Variants in CORO2B observed in about 807,000 individuals in gnomAD.
CORO2B encodes coronin-2B.
CORO2B carries 26 observed loss-of-function variants against 58.8 expected under a neutral mutation model. That is an observed-to-expected ratio of 0.44 (90% CI 0.32 to 0.61). CORO2B has a LOEUF of 0.61. Ranked by LOEUF, CORO2B falls within the 20% of genes least tolerant of loss-of-function variation. The probability of loss-of-function intolerance (pLI) is 0.04; values close to 1 mark genes in which losing one functional copy is unlikely to be tolerated. For synonymous variants in CORO2B, 242 were observed against 253.8 expected (o/e 0.95, Z 0.44); for missense variants, 460 against 645.1 (o/e 0.71, Z 3.11).
intron 2 of CORO2B, among the ~76,000 whole-genome samples, chr15:68,661,722 C>T (rs1291265382): frequency 6.6e-6 from 1 of 152,094 alleles, no homozygotes; most frequent in Non-Finnish European, 1.5e-5. Flanking sequence ...AAAACCTGTT[C>T]AGGGCCTGGC....
In CORO2B at chr15:68,719,498, T is replaced by C. The variant is rs144539309; in HGVS notation, c.1257T>C (p.Val419=). ...CTCCCATCAAAGAAAAGAAGAGTGT[T>C]GTGGTCAACGGAATAGATTTATTAG... ...FKAPIKEKKS[V]VVNGIDLLEN... The change falls in exon 11 of 12, where the codon GTT becomes GTC. Residue 419 remains valine (V), a synonymous_variant. Coordinates refer to ENST00000261861, the MANE Select transcript of CORO2B (RefSeq NM_006091.5). 1.8e-4 allele frequency: 283 copies of C among 1,614,050 alleles called. No individual in the cohort carries two copies. The highest frequency in any genetic ancestry group is 2.3e-4 in the Non-Finnish European group (272 of 1,180,012).
intron 2 of CORO2B, among the ~76,000 whole-genome samples, chr15:68,685,180 C>T (rs1356576337): frequency 2.6e-5 from 4 of 152,214 alleles, no homozygotes; most frequent in Non-Finnish European, 4.4e-5. Flanking sequence ...GTGGTTTCTA[C>T]AAATAAGCCT....
chr15:68,725,339 AG>A (rs1351928339), intron 11 of CORO2B, among the ~76,000 whole-genome samples: 1 of 152,204 alleles, frequency 6.6e-6, no homozygotes, highest in Non-Finnish European at 1.5e-5. Flanking sequence ...ACCGCACTAC[AG>A]CCTGGGCGAC....
At chr15:68,569,662 C>T in the CORO2B span, among the ~76,000 whole-genome samples, 1 of 152,282 alleles carries the variant, frequency 6.6e-6, no homozygotes, top group South Asian at 2.1e-4. Context: ...CCAGGGAGAA[C>T]GATTGCTGGA....
At chr15:68,531,500 AAAGG>A in the CORO2B span, among the ~76,000 whole-genome samples, 1,367 of 113,812 alleles carry the variant, frequency 0.012, 17 homozygotes, top group Middle Eastern at 0.044. Flanking sequence ...GTATCTCAAA[AAAGG>A]AAGGAAGGAA....
chr15:68,725,185 A>C (rs1206491013), intron 11 of CORO2B, among the ~76,000 whole-genome samples: 1 of 152,122 alleles, frequency 6.6e-6, no homozygotes, highest in Non-Finnish European at 1.5e-5. Flanking sequence ...CCTGGCCAAC[A>C]TGGTGAAACC....
At chr15:68,544,699 C>T in the CORO2B span, among the ~76,000 whole-genome samples, 1 of 152,118 alleles carries the variant, frequency 6.6e-6, no homozygotes, top group Non-Finnish European at 1.5e-5. Context: ...AGGTGGAAGC[C>T]CATGTCATTG....
the CORO2B span, among the ~76,000 whole-genome samples, chr15:68,526,851 T>TC: frequency 6.6e-6 from 1 of 152,188 alleles, no homozygotes; most frequent in Non-Finnish European, 1.5e-5. Flanking sequence ...AGAATCATGG[T>TC]CCCCCAAAAT....
At chr15:68,559,838 C>T in the CORO2B span, among the ~76,000 whole-genome samples, 3 of 152,240 alleles carry the variant, frequency 2.0e-5, no homozygotes, top group Non-Finnish European at 4.4e-5. The surrounding 1 kb of genome is among the most constrained non-coding windows in gnomAD (Gnocchi z 4.3). Flanking sequence ...GCAGGTCTCC[C>T]GCAAACGCGC....
chr15:68,534,507 C>T, the CORO2B span, among the ~76,000 whole-genome samples: 1 of 152,266 alleles, frequency 6.6e-6, no homozygotes, highest in Non-Finnish European at 1.5e-5. Context: ...TCAACTTTCA[C>T]TTTAGGAATT....
intron 3 of CORO2B, among the ~76,000 whole-genome samples, chr15:68,707,826 G>A (rs1892818097): frequency 6.6e-6 from 1 of 152,100 alleles, no homozygotes; most frequent in Non-Finnish European, 1.5e-5. Flanking sequence ...TGTTCCCCCT[G>A]CACCCTCTCA....
At chr15:68,582,634 G>T (rs1312339731) in intron 1 of CORO2B, among the ~76,000 whole-genome samples, 1 of 152,192 alleles carries the variant, frequency 6.6e-6, no homozygotes, top group Non-Finnish European at 1.5e-5. Context: ...CAGAGGACAA[G>T]GTACATTAAT....
At chr15:68,589,688 G>A (rs1204741508) in intron 1 of CORO2B, among the ~76,000 whole-genome samples, 1 of 152,232 alleles carries the variant, frequency 6.6e-6, no homozygotes, top group Non-Finnish European at 1.5e-5. Flanking sequence ...CCCGATGTTG[G>A]CAGGCCAAGG....
In CORO2B at chr15:68,714,640, C is replaced by G; in HGVS notation, c.847C>G (p.His283Asp). 7 of 1,614,068 alleles carry G rather than the reference C, an allele frequency of 4.3e-6. No homozygotes were observed. The highest frequency in any genetic ancestry group is 5.9e-6 in the Non-Finnish European group (7 of 1,179,972). The change falls in exon 7 of 12, where the codon CAC becomes GAC. Residue 283 changes from histidine to aspartate, a missense_variant. By Grantham distance (81) the His-to-Asp change is moderately conservative (BLOSUM62 -1). Around this residue, in one of 2 missense-constraint regions of CORO2B, gnomAD observed 352 missense variants for 543.0 expected, o/e 0.65. Coordinates refer to ENST00000261861, the MANE Select transcript of CORO2B (RefSeq NM_006091.5). Reference sequence around the variant, plus strand: ...GTTCCCCTTCTATGATGCTGACACCCACATGCTCTACCTGGCTGGAAAGGT... The same window carrying G: ...GTTCCCCTTCTATGATGCTGACACCGACATGCTCTACCTGGCTGGAAAGGT... ...LLFPFYDADT[H>D]MLYLAGKGDG...
the CORO2B span, among the ~76,000 whole-genome samples, chr15:68,520,915 G>A: frequency 6.6e-6 from 1 of 152,126 alleles, no homozygotes; most frequent in Non-Finnish European, 1.5e-5. Flanking sequence ...CAGCCATGAT[G>A]GCGTGCACCT....
Position 68,656,979 on chromosome 15 carries a change from C to G in CORO2B, c.216+11619C>G, listed in dbSNP as rs576106396. Among the ~76,000 whole-genome samples the G allele has an allele frequency of 5.9e-5, 9 of 152,268 alleles. No homozygotes were observed. The South Asian group carries it at 1.7e-3, about 28-fold the overall frequency. ...ACCCTCCCCACCTAGGGTCCAGTCC[C>G]CCCGATCCCCAGTTTGCTCATTTAT... On this transcript the variant is annotated intron_variant, in intron 2 of 11. Coordinates refer to ENST00000261861, the MANE Select transcript of CORO2B (RefSeq NM_006091.5).
Position 68,718,746 on chromosome 15 carries a change from G to A in CORO2B, c.1016G>A (p.Arg339His). 3 of 1,614,162 alleles carry A rather than the reference G, an allele frequency of 1.9e-6. No homozygotes were observed. Among genetic ancestry groups the A allele is most frequent in the Non-Finnish European group, 2.5e-6 (3 of 1,180,030 alleles). ...GATGTGTCAGCCTGCGAGGTGTTCC[G>A]CTTCTACAAGCTGGTGACTCTCAAG... is the stretch of plus-strand genomic sequence containing the variant. ...GLDVSACEVFRFYKLVTLKGL... is the reference protein window; with the variant it reads ...GLDVSACEVFHFYKLVTLKGL... Residue 339 changes from arginine to histidine, a missense_variant, in exon 9 of 12, where the codon CGC becomes CAC. This residue lies in a region of CORO2B where 352 missense variants were observed against 543.0 expected (regional missense o/e 0.65). Transcript: ENST00000261861.
intron 1 of CORO2B, chr15:68,632,257 G>A (rs1339630276): frequency 1.0e-6 from 1 of 985,392 alleles, no homozygotes; most frequent in African/African-American, 1.7e-5. Flanking sequence ...GTCTTAGCTG[G>A]CAGCCCTGAC....
rs1209315655 is a variant in CORO2B, at chr15:68,645,052, C to A, written c.16-108C>A. The A allele has an allele frequency of 8.7e-7, 1 of 1,151,828 alleles. No homozygotes were observed. Among genetic ancestry groups the A allele is most frequent in the East Asian group, 2.6e-5 (1 of 38,926 alleles). 71.4% of individuals were successfully genotyped at this position (1,151,828 alleles called of 1,614,324 possible). ...TTCCTGACAGGGGACCCAGGGCCTG[C>A]TCACCTGCTGCACCTCTGAGCCGCA... is the stretch of plus-strand genomic sequence containing the variant. On this transcript the variant is annotated intron_variant, in intron 1 of 11. Coordinates refer to ENST00000261861, the MANE Select transcript of CORO2B (RefSeq NM_006091.5). The surrounding 1 kb of genome is among the most constrained non-coding windows in gnomAD (Gnocchi z 4.5).
Sources: gnomAD v4.1 joint callset for allele counts (sites outside exome capture counted in the v4.1 genomes callset) on GRCh38, gnomAD v4.1.1 for gene constraint, gnomAD v4.1.1 regional missense constraint, Gnocchi (gnomAD v3.1) non-coding constraint, MANE v1.5 for transcripts, NCBI Gene and HGNC (gene_info 2026-07-23, HGNC 2026-07-21) for gene names.